ABLIM1: variants seen among roughly 807,000 people sequenced by gnomAD.
ABLIM1 encodes actin binding LIM protein 1, also known as actin-binding LIM protein 1.
ABLIM1 carries 40 observed loss-of-function variants against 107.0 expected under a neutral mutation model. That is an observed-to-expected ratio of 0.37 (90% CI 0.29 to 0.49). The LOEUF is 0.49. ABLIM1 is among the 20% of genes least tolerant of loss of function. ABLIM1 has a pLI of 0.97. For synonymous variants in ABLIM1, 357 were observed against 357.3 expected, an observed-to-expected ratio of 1.00 and a Z score of 0.01; for missense variants, 857 against 1,008.5, an observed-to-expected ratio of 0.85 and a Z score of 2.04.
the ABLIM1 span, among the ~76,000 whole-genome samples, chr10:114,787,716 G>T: frequency 1.1e-3 from 139 of 127,134 alleles, no homozygotes; most frequent in African/African-American, 3.9e-3. Context: ...GGGGGGGTCA[G>T]CCCCCCGCCC....
chr10:114,672,354 C>G (rs1298737461), intron 1 of ABLIM1, among the ~76,000 whole-genome samples: 1 of 152,108 alleles, frequency 6.6e-6, no homozygotes, highest in East Asian at 1.9e-4. Context: ...GCATGTGCCA[C>G]CATGCCCAGC....
intron 1 of ABLIM1, among the ~76,000 whole-genome samples, chr10:114,709,005 G>A (rs557241896): frequency 1.3e-5 from 2 of 152,266 alleles, no homozygotes; most frequent in East Asian, 3.9e-4. Context: ...TAAGAACTTG[G>A]CTAAGGGGAA....
At chr10:114,444,204 A>G (rs2060680582) in intron 16 of ABLIM1, 70 bp from the exon 17 acceptor site, 1 of 1,340,716 alleles carries the variant, frequency 7.5e-7, no homozygotes, top group Non-Finnish European at 1.0e-6. Flanking sequence ...ATGGAGCTGC[A>G]GTTTCTTTGT....
the ABLIM1 span, chr10:114,779,834 C>T: frequency 1.3e-5 from 2 of 151,856 alleles, no homozygotes; most frequent in Non-Finnish European, 2.9e-5. Context: ...TATCCTTGAA[C>T]ATGTCTCTTC....
At chr10:114,685,873 T>C (rs1300508420), upstream of ABLIM1, among the ~76,000 whole-genome samples, 3 of 152,374 alleles carry the variant, frequency 2.0e-5, no homozygotes, top group Non-Finnish European at 4.4e-5. Flanking sequence ...CATTCTTTAT[T>C]CTTGTTAGCC....
the ABLIM1 span, among the ~76,000 whole-genome samples, chr10:114,776,366 G>C: frequency 1.3e-5 from 2 of 152,154 alleles, no homozygotes; most frequent in African/African-American, 4.8e-5. Context: ...TGTAATCCCA[G>C]CACTTTGGGA....
intron 17 of ABLIM1, among the ~76,000 whole-genome samples, chr10:114,442,640 T>C (rs1474161418): frequency 6.6e-6 from 1 of 151,808 alleles, no homozygotes; most frequent in Non-Finnish European, 1.5e-5. Context: ...GGTTATAATA[T>C]GTGGACTTCT....
chr10:114,450,791 A>T (rs1044466625), intron 14 of ABLIM1, among the ~76,000 whole-genome samples: 1 of 152,134 alleles, frequency 6.6e-6, no homozygotes, highest in East Asian at 1.9e-4. Flanking sequence ...TGAATTCTAA[A>T]GGCAGCCTTC....
chr10:114,675,162 T>G (rs1288283420), intron 1 of ABLIM1, among the ~76,000 whole-genome samples: 11 of 152,120 alleles, frequency 7.2e-5, no homozygotes, highest in Non-Finnish European at 2.9e-5. Context: ...TGAAGAGCTG[T>G]CATCATTGGG....
At chr10:114,615,563 A>T (rs1392467254) in intron 1 of ABLIM1, 1 of 470,636 alleles carries the variant, frequency 2.1e-6, no homozygotes, top group African/African-American at 2.0e-5. Context: ...CTGCCATTGT[A>T]TTACCAGGGT....
chr10:114,509,374 C>T (rs2061551129), intron 6 of ABLIM1, among the ~76,000 whole-genome samples: 1 of 152,082 alleles, frequency 6.6e-6, no homozygotes, highest in African/African-American at 2.4e-5. Flanking sequence ...GTTGAGGCAA[C>T]CAAGGAGCTC....
intron 6 of ABLIM1, among the ~76,000 whole-genome samples, chr10:114,538,111 A>T (rs1220145199): frequency 6.6e-6 from 1 of 152,210 alleles, no homozygotes; most frequent in South Asian, 2.1e-4. Flanking sequence ...TGCCAAAAAG[A>T]AGGAAGGGGA....
At chr10:114,650,271 G>A (rs1260758365) in intron 1 of ABLIM1, among the ~76,000 whole-genome samples, 1 of 152,178 alleles carries the variant, frequency 6.6e-6, no homozygotes, top group African/African-American at 2.4e-5. Context: ...TCAGCACTGG[G>A]TCATGCCCCA....
At position 114,533,080 on chromosome 10, in the gene ABLIM1, C is replaced by A. The variant is rs141187255; in HGVS notation, c.894+11925G>T. 5.3e-5 allele frequency among the ~76,000 whole-genome samples: 8 copies of A among 152,138 alleles called. No individual in the cohort carries two copies. The East Asian group carries it at 1.2e-3, about 22-fold the overall frequency. ...ACTGGCCAGGTGCAGTGGCTCACGC[C>A]TGTTATCCCAGCACTTTGGGTGGCT... is the stretch of plus-strand genomic sequence containing the variant. On this transcript the variant is annotated intron_variant, in intron 6 of 22. Coordinates refer to ENST00000533213, the MANE Select transcript of ABLIM1 (RefSeq NM_002313.7).
chr10:114,691,640 A>G (rs748593654), intron 1 of ABLIM1, among the ~76,000 whole-genome samples: 18 of 152,218 alleles, frequency 1.2e-4, no homozygotes, highest in Non-Finnish European at 2.4e-4. Context: ...TAAAGTCTAA[A>G]AGGAAACAAA....
upstream of ABLIM1, among the ~76,000 whole-genome samples, chr10:114,660,892 A>G (rs1281469194): frequency 6.6e-6 from 1 of 152,192 alleles, no homozygotes; most frequent in African/African-American, 2.4e-5. Context: ...ACCTGGAAAA[A>G]AGGTAACTCT....
intron 6 of ABLIM1, among the ~76,000 whole-genome samples, chr10:114,524,460 G>A (rs1268270773): frequency 6.6e-6 from 1 of 151,986 alleles, no homozygotes; most frequent in Non-Finnish European, 1.5e-5. Context: ...AACAGTTTGA[G>A]ACCCACTGGT....
chr10:114,605,531 A>G (rs2076350028), intron 1 of ABLIM1, among the ~76,000 whole-genome samples: 1 of 152,178 alleles, frequency 6.6e-6, no homozygotes. Flanking sequence ...AGGCATACTT[A>G]GCACTCAGGC....
At chr10:114,595,770 T>C (rs1475864402) in intron 2 of ABLIM1, among the ~76,000 whole-genome samples, 1 of 152,190 alleles carries the variant, frequency 6.6e-6, no homozygotes, top group Non-Finnish European at 1.5e-5. Context: ...GGGAATTAGG[T>C]TCTCCTTCCT....
Sources: gnomAD v4.1 joint callset for allele counts (sites outside exome capture counted in the v4.1 genomes callset) on GRCh38, gnomAD v4.1.1 for gene constraint, MANE v1.5 for transcripts, NCBI Gene and HGNC (gene_info 2026-07-23, HGNC 2026-07-21) for gene names.